The following RBL2 variants were observed in gnomAD, a reference collection of about 807,000 sequenced individuals.
The protein encoded by RBL2 is RB transcriptional corepressor like 2, also known as retinoblastoma-like protein 2.
Under a neutral mutation model 126.0 loss-of-function variants are expected in RBL2, and 56 were observed. The observed-to-expected ratio is 0.44, with a 90% CI of 0.36 to 0.56. The LOEUF (loss-of-function observed/expected upper bound fraction) is 0.56, where lower values mean the gene tolerates loss of function less well. RBL2 is among the 20% of genes least tolerant of loss of function. The pLI is 0.00. For synonymous variants in RBL2, 454 were observed against 478.5 expected, an observed-to-expected ratio of 0.95 and a Z score of 0.67; for missense variants, 1,229 against 1,398.2, an observed-to-expected ratio of 0.88 and a Z score of 1.93.
chr16:53,488,125 C>G (rs1961247675), intron 21 of RBL2: 2 of 152,164 alleles, frequency 1.3e-5, no homozygotes, highest in African/African-American at 4.8e-5. Flanking sequence ...GACTTTCTTC[C>G]TAATTGCCAA....
intron 3 of RBL2, 40 bp from the exon 4 acceptor site, chr16:53,447,002 C>A: frequency 1.6e-6 from 2 of 1,249,902 alleles, no homozygotes; most frequent in South Asian, 1.6e-5. Flanking sequence ...TTTTCTGATT[C>A]TTCTGTTGTC....
chr16:53,457,258 C>CCTTTTTTTTTTTTTTTTTTTTTTTTT, intron 8 of RBL2, among the ~76,000 whole-genome samples: 1,566 of 89,856 alleles, frequency 0.017, 299 homozygotes, highest in Middle Eastern at 0.024. Context: ...GTACAGATAG[C>CCTTTTTTTTTTTTTTTTTTTTTTTTT]TTTTTTTTTT....
chr16:53,470,408 A>G lies in RBL2; in HGVS notation c.2271A>G (p.Ile757Met). The change falls in exon 16 of 22, where the codon ATA becomes ATG. Residue 757 changes from isoleucine (I) to methionine (M), a missense_variant. Ile to Met is a conservative substitution (Grantham distance 10). Transcript: ENST00000262133. The part of the protein sequence containing the change: ...VQGIANENGG[I>M]TFFPVQVNVG... ...GTATTGCCAATGAAAATGGAGGGAT[A>G]ACATTCTTCCCTGTCCAAGTCAATG... 1 of 1,613,562 alleles carries G rather than the reference A, an allele frequency of 6.2e-7. No individual in the cohort carries two copies. Among genetic ancestry groups the G allele is most frequent in the Non-Finnish European group, 8.5e-7 (1 of 1,179,518 alleles).
chr16:53,444,357 A>C (rs530970555), intron 3 of RBL2, among the ~76,000 whole-genome samples: 2 of 151,998 alleles, frequency 1.3e-5, no homozygotes, highest in African/African-American at 4.8e-5. Context: ...GTTCGAGACC[A>C]GCCTGGCCAA....
intron 1 of RBL2, among the ~76,000 whole-genome samples, chr16:53,437,326 A>G (rs536328034): frequency 6.6e-6 from 1 of 152,008 alleles, no homozygotes; most frequent in East Asian, 1.9e-4. Context: ...TTTTTTTACA[A>G]AAGAACATCT....
At chr16:53,465,677 G>T in intron 13 of RBL2, 75 bp downstream of exon 13, 1 of 1,240,786 alleles carries the variant, frequency 8.1e-7, no homozygotes, top group Non-Finnish European at 1.1e-6. Flanking sequence ...TTGGGGATGG[G>T]AGGGTGGCAA....
intron 12 of RBL2, among the ~76,000 whole-genome samples, chr16:53,465,040 G>A (rs1472422408): frequency 2.0e-5 from 3 of 152,134 alleles, no homozygotes; most frequent in East Asian, 1.9e-4. Flanking sequence ...TGATCTGCCC[G>A]CCACGGCCCC....
chr16:53,447,159 G>C, intron 4 of RBL2, 53 bp downstream of exon 4: 1 of 1,046,962 alleles, frequency 9.6e-7, no homozygotes, highest in Non-Finnish European at 1.4e-6. Context: ...TACATTTTCA[G>C]GTATTAATTT....
At chr16:53,459,696 C>T in intron 9 of RBL2, 79 bp downstream of exon 9, 1 of 1,305,628 alleles carries the variant, frequency 7.7e-7, no homozygotes, top group Non-Finnish European at 1.0e-6. Context: ...TTATTAATGC[C>T]TTAATTCACC....
Position 53,454,974 on chromosome 16 carries a change from C to A in RBL2, c.1179+132C>A. On this transcript the variant is annotated intron_variant, in intron 8 of 21. Coordinates refer to ENST00000262133, the MANE Select transcript of RBL2 (RefSeq NM_005611.4). ...AGGAGAAAATTCTCATCATACTTCTCTTAATTGAAAAAGGTATCTCTATGA... is the reference window on the plus strand; with the variant it reads ...AGGAGAAAATTCTCATCATACTTCTATTAATTGAAAAAGGTATCTCTATGA... 5 of 661,652 alleles carry A rather than the reference C, an allele frequency of 7.6e-6. No homozygotes were observed. In the South Asian group the frequency reaches 1.8e-4, roughly 24 times the overall value. The allele number at this position is 661,652 out of a possible 1,614,324, so 41.0% of individuals were successfully genotyped here.
chr16:53,481,969 G>C, intron 21 of RBL2, 134 bp downstream of exon 21: 1 of 986,334 alleles, frequency 1.0e-6, no homozygotes, highest in Non-Finnish European at 1.5e-6. Context: ...CAGTCCTCAT[G>C]AAGCAAAACC....
chr16:53,449,361 G>A (rs552992794), intron 4 of RBL2: 2 of 151,970 alleles, frequency 1.3e-5, no homozygotes, highest in Admixed American at 1.3e-4. Flanking sequence ...GACCTGTTGG[G>A]GTGGTTTTTT....
At chr16:53,467,256 G>GTA in intron 14 of RBL2, 87 bp downstream of exon 14, 2 of 1,064,314 alleles carry the variant, frequency 1.9e-6, no homozygotes, top group Non-Finnish European at 1.4e-6. Flanking sequence ...AGTTAATAGG[G>GTA]TATACATAGA....
chr16:53,444,922 G>T (rs970619903), intron 3 of RBL2, among the ~76,000 whole-genome samples: 1 of 152,312 alleles, frequency 6.6e-6, no homozygotes, highest in Non-Finnish European at 1.5e-5. Flanking sequence ...TGAGGCCAAT[G>T]TGATCATTTA....
chr16:53,464,652 C>T, intron 12 of RBL2: 1 of 236,816 alleles, frequency 4.2e-6, no homozygotes, highest in Non-Finnish European at 8.0e-6. Flanking sequence ...AAAAGTAGCA[C>T]ACATGTCACT....
chr16:53,457,258 C>CCTTTTTTTTTTTTTTTTTTTTTTTTTT, intron 8 of RBL2, among the ~76,000 whole-genome samples: 1,154 of 89,870 alleles, frequency 0.013, 242 homozygotes, highest in Non-Finnish European at 0.016. Context: ...GTACAGATAG[C>CCTTTTTTTTTTTTTTTTTTTTTTTTTT]TTTTTTTTTT....
intron 3 of RBL2, among the ~76,000 whole-genome samples, chr16:53,445,250 C>T (rs544459205): frequency 6.6e-6 from 1 of 151,196 alleles, no homozygotes; most frequent in South Asian, 2.1e-4. Flanking sequence ...TCACTTGAGC[C>T]TGGGAGGTTG....
At chr16:53,468,775 A>G (rs1180801507) in intron 14 of RBL2, among the ~76,000 whole-genome samples, 1 of 152,214 alleles carries the variant, frequency 6.6e-6, no homozygotes, top group Non-Finnish European at 1.5e-5. Flanking sequence ...TAAATTTTAA[A>G]AACACTCTGA....
intron 3 of RBL2, 142 bp from the exon 4 acceptor site, chr16:53,446,900 G>A (rs1022459913): frequency 2.5e-5 from 11 of 436,284 alleles, no homozygotes; most frequent in Non-Finnish European, 4.1e-5. Flanking sequence ...AAGGCAGAAC[G>A]TCCACGTTTT....
Sources: allele counts gnomAD v4.1 joint callset (sites outside exome capture counted in the v4.1 genomes callset), GRCh38; gene constraint gnomAD v4.1.1; transcripts MANE v1.5; gene names NCBI Gene and HGNC (gene_info 2026-07-23, HGNC 2026-07-21).